Variants in PTPRD observed in about 807,000 individuals in gnomAD.
PTPRD encodes the protein protein tyrosine phosphatase receptor type D, also known as receptor-type tyrosine-protein phosphatase delta.
A neutral mutation model predicts 214.5 loss-of-function variants in PTPRD; 34 were observed. That is an observed-to-expected ratio of 0.16 (90% CI 0.12 to 0.21). PTPRD has a LOEUF of 0.21. Ranked by LOEUF, PTPRD falls within the 10% of genes least tolerant of loss-of-function variation. The probability of loss-of-function intolerance (pLI) is 1.00; values close to 1 mark genes in which losing one functional copy is unlikely to be tolerated. For synonymous variants in PTPRD, 1,128 were observed against 845.7 expected (o/e 1.33, Z -5.79); for missense variants, 2,545 against 2,398.7 (o/e 1.06, Z -1.27).
At chr9:9,413,134 G>C (rs2075996062) in intron 8 of PTPRD, among the ~76,000 whole-genome samples, 1 of 75,020 alleles carries the variant, frequency 1.3e-5, no homozygotes, top group East Asian at 7.6e-4. Flanking sequence ...TTGAGACGGA[G>C]TCTCGCTCTG....
At chr9:10,360,675 A>AC (rs1254202131) in intron 2 of PTPRD, among the ~76,000 whole-genome samples, 1 of 152,092 alleles carries the variant, frequency 6.6e-6, no homozygotes, top group East Asian at 1.9e-4. Context: ...ATTATTGATG[A>AC]CCCCCCAAAA....
intron 11 of PTPRD, among the ~76,000 whole-genome samples, chr9:8,932,997 G>A (rs976733152): frequency 2.0e-5 from 3 of 152,132 alleles, no homozygotes; most frequent in Non-Finnish European, 4.4e-5. Context: ...CCCTGGTGGT[G>A]TAGGCACCAG....
At chr9:9,544,073 C>A (rs1402555824) in intron 8 of PTPRD, among the ~76,000 whole-genome samples, 6 of 151,574 alleles carry the variant, frequency 4.0e-5, no homozygotes, top group Non-Finnish European at 7.4e-5. Flanking sequence ...TTGCCCATAT[C>A]TCTGTGATAC....
At chr9:10,371,824 G>A (rs1226289416) in intron 2 of PTPRD, among the ~76,000 whole-genome samples, 1 of 152,120 alleles carries the variant, frequency 6.6e-6, no homozygotes, top group Non-Finnish European at 1.5e-5. Context: ...AGCATATGGT[G>A]TATGTCTCAG....
chr9:10,142,201 G>T (rs1400540612), intron 3 of PTPRD, among the ~76,000 whole-genome samples: 1 of 151,772 alleles, frequency 6.6e-6, no homozygotes, highest in African/African-American at 2.4e-5. Context: ...TACCATTCAG[G>T]ACATAGGCAT....
At chr9:9,500,682 C>A (rs1256500234) in intron 8 of PTPRD, among the ~76,000 whole-genome samples, 1 of 151,812 alleles carries the variant, frequency 6.6e-6, no homozygotes, top group African/African-American at 2.4e-5. Flanking sequence ...AGATTTGGAT[C>A]CATAAGAAGA....
chr9:8,394,636 T>C (rs1237583014), intron 36 of PTPRD, among the ~76,000 whole-genome samples: 1 of 152,100 alleles, frequency 6.6e-6, no homozygotes, highest in Non-Finnish European at 1.5e-5. Context: ...TTCTTTTGAG[T>C]TCTAAAATAA....
chr9:8,887,311 T>A (rs2098499643), intron 11 of PTPRD, among the ~76,000 whole-genome samples: 1 of 152,068 alleles, frequency 6.6e-6, no homozygotes, highest in Non-Finnish European at 1.5e-5. Flanking sequence ...CATGCACAGA[T>A]CATTTTATTC....
At chr9:10,225,941 AT>A (rs1352383523) in intron 3 of PTPRD, among the ~76,000 whole-genome samples, 1 of 152,018 alleles carries the variant, frequency 6.6e-6, no homozygotes, top group Non-Finnish European at 1.5e-5. Context: ...TTGAGAACTT[AT>A]TTTACCTTAT....
At chr9:9,560,606 G>T (rs1279836080) in intron 8 of PTPRD, among the ~76,000 whole-genome samples, 1 of 152,192 alleles carries the variant, frequency 6.6e-6, no homozygotes, top group Non-Finnish European at 1.5e-5. Flanking sequence ...AGCCTCAGGG[G>T]CTGAAGACCC....
chr9:8,784,646 CTCAT>C (rs2095865658), intron 11 of PTPRD, among the ~76,000 whole-genome samples: 4 of 67,490 alleles, frequency 5.9e-5, no homozygotes, highest in Non-Finnish European at 1.5e-4. Context: ...GAGCTCTTAT[CTCAT>C]GTTTTTAAAG....
intron 2 of PTPRD, among the ~76,000 whole-genome samples, chr9:10,507,773 C>T (rs919946812): frequency 5.9e-5 from 9 of 152,118 alleles, no homozygotes; most frequent in African/African-American, 1.7e-4. Flanking sequence ...TGGATCCTTT[C>T]CTTATGCCTT....
chr9:8,897,549 G>C (rs565413763), intron 11 of PTPRD, among the ~76,000 whole-genome samples: 2 of 152,288 alleles, frequency 1.3e-5, no homozygotes, highest in Non-Finnish European at 2.9e-5. Flanking sequence ...TCCCCAGAGA[G>C]GGCCTTCGCC....
chr9:9,004,999 T>C (rs1044910724), intron 11 of PTPRD, among the ~76,000 whole-genome samples: 1 of 152,256 alleles, frequency 6.6e-6, no homozygotes, highest in South Asian at 2.1e-4. Flanking sequence ...TTATAGGCCA[T>C]AGCATCATTT....
intron 9 of PTPRD, among the ~76,000 whole-genome samples, chr9:9,275,193 T>TA (rs1300317424): frequency 0.066 from 728 of 10,954 alleles, 41 homozygotes; most frequent in African/African-American, 0.14. Context: ...GTTATATATA[T>TA]ATATATTATA....
chr9:9,626,571 G>T (rs149312390), intron 7 of PTPRD, among the ~76,000 whole-genome samples: 4 of 152,234 alleles, frequency 2.6e-5, no homozygotes, highest in South Asian at 4.1e-4. Context: ...AAGGGACGGA[G>T]AAAAGGAGGG....
chr9:10,591,288 G>A, intron 2 of PTPRD, among the ~76,000 whole-genome samples: 1 of 152,016 alleles, frequency 6.6e-6, no homozygotes, highest in African/African-American at 2.4e-5. Flanking sequence ...TGGTTTGACA[G>A]TGGCAGACAA....
chr9:9,498,916 T>A (rs1019997455), intron 8 of PTPRD, among the ~76,000 whole-genome samples: 1 of 151,966 alleles, frequency 6.6e-6, no homozygotes, highest in Admixed American at 6.6e-5. Flanking sequence ...TACTTTTCTT[T>A]AAAGAGTTTA....
At chr9:8,327,346 GTTTT>G (rs3858062) in intron 44 of PTPRD, among the ~76,000 whole-genome samples, 1 of 130,528 alleles carries the variant, frequency 7.7e-6, no homozygotes, top group Non-Finnish European at 1.7e-5. Context: ...GTTTTGAGTG[GTTTT>G]TTTTTTTAAA....
Sources: gnomAD v4.1 joint callset for allele counts (sites outside exome capture counted in the v4.1 genomes callset) on GRCh38, gnomAD v4.1.1 for gene constraint, MANE v1.5 for transcripts, NCBI Gene and HGNC (gene_info 2026-07-23, HGNC 2026-07-21) for gene names.